The following LRRC49 variants were observed in gnomAD, a reference collection of about 807,000 sequenced individuals.
LRRC49 encodes leucine rich repeat containing 49.
Under a neutral mutation model 83.3 loss-of-function variants are expected in LRRC49, and 50 were observed. The observed-to-expected ratio is 0.60, with a 90% confidence interval of 0.48 to 0.76. The LOEUF (loss-of-function observed/expected upper bound fraction) is 0.76, where lower values mean the gene tolerates loss of function less well. LRRC49 is among the 30% of genes least tolerant of loss of function. LRRC49 has a pLI of 0.00. For synonymous variants in LRRC49, 286 were observed against 283.3 expected (o/e 1.01, Z -0.10); for missense variants, 704 against 809.1 (o/e 0.87, Z 1.58).
chr15:70,989,764 G>A (rs377118973), intron 11 of LRRC49, among the ~76,000 whole-genome samples: 4 of 152,080 alleles, frequency 2.6e-5, no homozygotes, highest in East Asian at 3.9e-4. Context: ...TTGTGGTTTT[G>A]TCTACTTTTG....
chr15:70,859,062 A>G, intron 1 of LRRC49: 1 of 1,506,200 alleles, frequency 6.6e-7, no homozygotes, highest in Non-Finnish European at 9.2e-7. Context: ...CAGCAGAACA[A>G]GATGCTGGAG....
chr15:70,997,773 C>T (rs1002616306), intron 11 of LRRC49, among the ~76,000 whole-genome samples: 2 of 152,086 alleles, frequency 1.3e-5, no homozygotes, highest in African/African-American at 4.8e-5. Context: ...ATCCTTTCTG[C>T]TAATTTCTGC....
chr15:70,930,718 A>C (rs1217568789), intron 7 of LRRC49, among the ~76,000 whole-genome samples: 1 of 152,180 alleles, frequency 6.6e-6, no homozygotes, highest in Admixed American at 6.5e-5. Flanking sequence ...TATCTAGGTA[A>C]CTTGCTGCAG....
At chr15:70,873,885 G>T (rs967647238) in intron 2 of LRRC49, among the ~76,000 whole-genome samples, 3 of 152,190 alleles carry the variant, frequency 2.0e-5, no homozygotes, top group Non-Finnish European at 2.9e-5. Flanking sequence ...GGGAGTGGAA[G>T]AATTTTTGGC....
intron 14 of LRRC49, among the ~76,000 whole-genome samples, chr15:71,020,149 A>G (rs759788215): frequency 1.8e-4 from 28 of 152,180 alleles, no homozygotes; most frequent in Non-Finnish European, 3.2e-4. Flanking sequence ...ACCAAAAGAA[A>G]TTATATAAAT....
intron 15 of LRRC49, among the ~76,000 whole-genome samples, chr15:71,040,775 G>C (rs921761230): frequency 2.8e-5 from 4 of 143,036 alleles, no homozygotes; most frequent in African/African-American, 1.0e-4. Flanking sequence ...AGCCGAGATT[G>C]CGCCACTGTA....
chr15:71,011,405 A>G (rs2038646618), intron 13 of LRRC49, among the ~76,000 whole-genome samples: 1 of 152,184 alleles, frequency 6.6e-6, no homozygotes, highest in Non-Finnish European at 1.5e-5. Flanking sequence ...ACTTTGAATC[A>G]GGAAGGAATA....
At chr15:70,999,525 G>A (rs2038189256) in intron 11 of LRRC49, among the ~76,000 whole-genome samples, 1 of 152,126 alleles carries the variant, frequency 6.6e-6, no homozygotes, top group Non-Finnish European at 1.5e-5. Context: ...GTTCTGTTTT[G>A]AGGCACTCTT....
intron 1 of LRRC49, among the ~76,000 whole-genome samples, chr15:70,864,481 G>C (rs1244941441): frequency 1.3e-5 from 2 of 152,080 alleles, no homozygotes; most frequent in African/African-American, 2.4e-5. Flanking sequence ...AGAGCATTCT[G>C]GCTCCAGGCT....
chr15:70,987,679 T>C (rs1455222515), intron 11 of LRRC49, among the ~76,000 whole-genome samples: 1 of 152,206 alleles, frequency 6.6e-6, no homozygotes, highest in Admixed American at 6.5e-5. Flanking sequence ...TTCTACTAGC[T>C]TTTGAATGTG....
At chr15:70,986,282 T>C (rs1391032814) in intron 11 of LRRC49, among the ~76,000 whole-genome samples, 7 of 152,056 alleles carry the variant, frequency 4.6e-5, no homozygotes, top group East Asian at 1.9e-4. Flanking sequence ...AATGTTCTTC[T>C]ATTTGTTTGT....
chr15:71,021,230 A>G (rs189910247), intron 14 of LRRC49, among the ~76,000 whole-genome samples: 8 of 152,250 alleles, frequency 5.3e-5, no homozygotes, highest in Non-Finnish European at 1.2e-4. Flanking sequence ...ATACACTGCA[A>G]CAGAAGCATA....
At chr15:71,021,278 G>A (rs1161620567) in intron 14 of LRRC49, among the ~76,000 whole-genome samples, 1 of 152,170 alleles carries the variant, frequency 6.6e-6, no homozygotes, top group Non-Finnish European at 1.5e-5. Flanking sequence ...TTGTATTCTA[G>A]GACCTCGTAT....
chr15:70,933,754 T>G (rs2035498138), intron 7 of LRRC49, among the ~76,000 whole-genome samples: 2 of 152,220 alleles, frequency 1.3e-5, no homozygotes, highest in Non-Finnish European at 1.5e-5. Flanking sequence ...GGGTGGGTCT[T>G]TCAATGCAGG....
At chr15:71,019,563 T>C (rs911147864) in intron 14 of LRRC49, among the ~76,000 whole-genome samples, 6 of 152,212 alleles carry the variant, frequency 3.9e-5, no homozygotes, top group African/African-American at 1.2e-4. Flanking sequence ...TAAATGTGAA[T>C]TGACGTCTTC....
chr15:70,959,913 A>G (rs1191295094), intron 8 of LRRC49, among the ~76,000 whole-genome samples: 3 of 152,186 alleles, frequency 2.0e-5, no homozygotes, highest in East Asian at 1.9e-4. Flanking sequence ...AGAGCTTATC[A>G]TTTTTATTCA....
chr15:70,870,874 G>A (rs1042642757), intron 1 of LRRC49, among the ~76,000 whole-genome samples: 2 of 151,822 alleles, frequency 1.3e-5, no homozygotes, highest in Admixed American at 6.5e-5. Flanking sequence ...AAAAATGATT[G>A]CAACTTATTT....
chr15:70,853,947 G>A, intron 1 of LRRC49: 2 of 1,446,612 alleles, frequency 1.4e-6, no homozygotes, highest in Middle Eastern at 2.1e-4. Flanking sequence ...CTGAGGTACC[G>A]GGCCGGGTCC....
chr15:70,974,068 G>C (rs551392244), intron 9 of LRRC49, among the ~76,000 whole-genome samples: 1 of 151,866 alleles, frequency 6.6e-6, no homozygotes, highest in Non-Finnish European at 1.5e-5. Flanking sequence ...TGGAGGTTGC[G>C]GTGAGCCGAG....
Sources: allele counts gnomAD v4.1 joint callset (sites outside exome capture counted in the v4.1 genomes callset), GRCh38; gene constraint gnomAD v4.1.1; transcripts MANE v1.5; gene names NCBI Gene and HGNC (gene_info 2026-07-23, HGNC 2026-07-21).